Variants in CRTAC1 observed in about 807,000 individuals in gnomAD.
The protein encoded by CRTAC1 is acidic secreted protein in cartilage.
In CRTAC1, 37 loss-of-function variants were observed where a neutral mutation model predicts 67.8. The observed-to-expected ratio is 0.55, with a 90% CI of 0.42 to 0.72. The LOEUF (loss-of-function observed/expected upper bound fraction) is 0.72. Among genes scored for constraint, CRTAC1 ranks in the 30% least tolerant of loss-of-function variants. The pLI, the probability that CRTAC1 is intolerant of heterozygous loss-of-function variation, is 0.00. For synonymous variants in CRTAC1, 348 were observed against 371.0 expected, an observed-to-expected ratio of 0.94 and a Z score of 0.71; for missense variants, 780 against 931.6, an observed-to-expected ratio of 0.84 and a Z score of 2.12.
chr10:97,941,311 T>C (rs185578796), intron 2 of CRTAC1, among the ~76,000 whole-genome samples: 226 of 152,232 alleles, frequency 1.5e-3, no homozygotes, highest in South Asian at 4.4e-3. Context: ...CCCACCGTAA[T>C]TCCTTCTTCC....
intron 8 of CRTAC1, among the ~76,000 whole-genome samples, chr10:97,898,353 C>T (rs899095258): frequency 4.6e-5 from 7 of 152,112 alleles, no homozygotes; most frequent in Admixed American, 2.0e-4. Flanking sequence ...CACCCAGATT[C>T]GGGCAATCAG....
chr10:97,879,567 A>T, intron 14 of CRTAC1: 1 of 1,315,336 alleles, frequency 7.6e-7, no homozygotes, highest in Non-Finnish European at 1.0e-6. Context: ...GTCCATTCAG[A>T]GGGAGCACAC....
rs1380546246 is a variant in CRTAC1 at position 97,917,654 on chromosome 10, G to T, written c.561C>A (p.Gly187=). The change falls in exon 5 of 15, where the codon GGC becomes GGA. Residue 187 remains glycine (G), a splice_region_variant and synonymous_variant. Transcript: ENST00000370597. The part of the protein sequence containing the change: ...GRSVACVDRK[G]SGRYSIYIAN... Reference sequence around the variant, plus strand: ...CAATGTAGATAGAGTAGCGTCCAGAGCCCTGAGGAAGAAGGGAAGGGAGAG... The same window carrying T: ...CAATGTAGATAGAGTAGCGTCCAGATCCCTGAGGAAGAAGGGAAGGGAGAG... The T allele has an allele frequency of 1.3e-6, 2 of 1,546,312 alleles. No homozygotes were observed. The highest frequency in any genetic ancestry group is 8.8e-7 in the Non-Finnish European group (1 of 1,137,506).
At chr10:97,910,331 C>T (rs565720778) in intron 5 of CRTAC1, among the ~76,000 whole-genome samples, 7 of 152,274 alleles carry the variant, frequency 4.6e-5, no homozygotes, top group Admixed American at 1.3e-4. Flanking sequence ...GCTCTGTGGA[C>T]GCTGCAGCCT....
chr10:97,936,120 T>C lies in CRTAC1; in HGVS notation c.421+50A>G, dbSNP rs764516804. On this transcript the variant is annotated intron_variant, in intron 3 of 14. Coordinates refer to ENST00000370597, the MANE Select transcript of CRTAC1 (RefSeq NM_018058.7). ...CCCATGGCCCTCCCCAAGTTGCTAC[T>C]GGGAGGGAGAAGATGGGAAGCAGGA... 5.9e-6 allele frequency: 9 copies of C among 1,522,484 alleles called. No homozygotes were observed. In the East Asian group the frequency reaches 1.4e-4, roughly 24 times the overall value. The allele number at this position is 1,522,484 out of a possible 1,614,324, so 94.3% of individuals were successfully genotyped here.
intron 2 of CRTAC1, among the ~76,000 whole-genome samples, chr10:97,950,932 G>A (rs975838845): frequency 3.9e-5 from 6 of 152,190 alleles, no homozygotes; most frequent in South Asian, 2.1e-4. Context: ...GTGAAGTCAC[G>A]GCTTGAGGAA....
chr10:97,923,143 G>A, intron 4 of CRTAC1, 121 bp downstream of exon 4: 1 of 1,092,578 alleles, frequency 9.2e-7, no homozygotes, highest in Non-Finnish European at 1.3e-6. Context: ...TTGGTATTTA[G>A]CACCCAATCT....
At chr10:97,904,062 A>G (rs932899481) in intron 7 of CRTAC1, among the ~76,000 whole-genome samples, 37 of 151,668 alleles carry the variant, frequency 2.4e-4, no homozygotes, top group African/African-American at 8.5e-4. Flanking sequence ...ACACTCCACA[A>G]ACACTCTCTG....
rs373229534 is a variant in CRTAC1 at position 97,895,317 on chromosome 10, C to A, written c.1414G>T (p.Ala472Ser). The stretch of plus-strand genomic sequence containing the variant: ...CCCCCGTCGATGATCCTCAGGTGGG[C>A]CCCACTCTTCTTGGTGTAGAGCACG... ...KVVLYTKKSG[A>S]HLRIIDGGSG... Residue 472 changes from alanine (A) to serine (S), a missense_variant, in exon 11 of 15, where the codon GCC (alanine) becomes TCC (serine). Transcript: ENST00000370597. The surrounding 1 kb of genome is among the most constrained non-coding windows in gnomAD (Gnocchi z 4.2). 775 of 1,613,850 alleles carry A rather than the reference C, an allele frequency of 4.8e-4. 3 individuals carry two copies. In the South Asian group the frequency reaches 5.2e-3, roughly 11 times the overall value.
intron 14 of CRTAC1, chr10:97,870,356 A>G (rs1328712994): frequency 1.3e-5 from 2 of 152,188 alleles, no homozygotes; most frequent in East Asian, 3.8e-4. Flanking sequence ...ACAAAAATGC[A>G]TATGCACCAT....
At chr10:97,944,374 G>A (rs1025112315) in intron 2 of CRTAC1, among the ~76,000 whole-genome samples, 1 of 151,964 alleles carries the variant, frequency 6.6e-6, no homozygotes, top group African/African-American at 2.4e-5. Flanking sequence ...AGATGTTGCA[G>A]TAAGCCAAGA....
At chr10:98,005,394 C>T (rs914436361) in intron 2 of CRTAC1, among the ~76,000 whole-genome samples, 1 of 150,560 alleles carries the variant, frequency 6.6e-6, no homozygotes, top group African/African-American at 2.4e-5. Flanking sequence ...CGTGAGCCAC[C>T]ATGCCTGGCC....
intron 3 of CRTAC1, among the ~76,000 whole-genome samples, chr10:97,927,588 C>G (rs950709907): frequency 1.3e-5 from 2 of 152,240 alleles, no homozygotes; most frequent in African/African-American, 2.4e-5. Flanking sequence ...GCCTCTCCCC[C>G]TCTTCAGCCT....
At chr10:97,879,764 G>T (rs990212296) in intron 14 of CRTAC1, 1 of 1,550,028 alleles carries the variant, frequency 6.5e-7, no homozygotes, top group Non-Finnish European at 8.7e-7. Context: ...AGATTCTAGA[G>T]GCGGCTGAAG....
intron 14 of CRTAC1, among the ~76,000 whole-genome samples, chr10:97,876,435 G>A (rs1380757108): frequency 1.3e-5 from 2 of 152,190 alleles, no homozygotes; most frequent in Non-Finnish European, 2.9e-5. Flanking sequence ...TGAAGAGGGA[G>A]TATTCTTGAG....
chr10:98,006,966 T>C (rs1842802843), intron 2 of CRTAC1, among the ~76,000 whole-genome samples: 1 of 152,162 alleles, frequency 6.6e-6, no homozygotes, highest in Non-Finnish European at 1.5e-5. Flanking sequence ...AATATAGGTT[T>C]AGGGTGGATG....
intron 3 of CRTAC1, among the ~76,000 whole-genome samples, 191 bp from the exon 4 acceptor site, chr10:97,923,591 G>A (rs1368884534): frequency 6.6e-6 from 1 of 152,150 alleles, no homozygotes; most frequent in African/African-American, 2.4e-5. Flanking sequence ...TTCCAGTTGA[G>A]GGAAGAGACT....
intron 2 of CRTAC1, among the ~76,000 whole-genome samples, chr10:97,964,721 T>C (rs1438444523): frequency 6.6e-6 from 1 of 152,248 alleles, no homozygotes; most frequent in African/African-American, 2.4e-5. Context: ...CACAGGTGTC[T>C]AATTAAGTTC....
At chr10:97,968,699 A>G (rs1219753261) in intron 2 of CRTAC1, among the ~76,000 whole-genome samples, 2 of 152,208 alleles carry the variant, frequency 1.3e-5, no homozygotes, top group East Asian at 3.8e-4. Context: ...CATGTTAGAA[A>G]TAGGATGGCC....
Sources: gnomAD v4.1 joint callset for allele counts (sites outside exome capture counted in the v4.1 genomes callset) on GRCh38, gnomAD v4.1.1 for gene constraint, Gnocchi (gnomAD v3.1) non-coding constraint, MANE v1.5 for transcripts, NCBI Gene and HGNC (gene_info 2026-07-23, HGNC 2026-07-21) for gene names.